Variants in RAP1A observed in about 807,000 individuals in gnomAD.
RAP1A encodes the protein RAP1A, member of RAS oncogene family.
A neutral mutation model predicts 26.4 loss-of-function variants in RAP1A; 6 were observed. The observed-to-expected ratio is 0.23, with a 90% CI of 0.12 to 0.45. The LOEUF (loss-of-function observed/expected upper bound fraction) is 0.45, where lower values mean the gene tolerates loss of function less well. Ranked by LOEUF, RAP1A falls within the 20% of genes least tolerant of loss-of-function variation. The probability of loss-of-function intolerance (pLI) is 0.99; values close to 1 mark genes in which losing one functional copy is unlikely to be tolerated. For synonymous variants in RAP1A, 73 were observed against 79.4 expected, an observed-to-expected ratio of 0.92 and a Z score of 0.43; for missense variants, 121 against 217.2, an observed-to-expected ratio of 0.56 and a Z score of 2.78.
intron 1 of RAP1A, among the ~76,000 whole-genome samples, chr1:111,613,775 A>G (rs1336075906): frequency 6.6e-6 from 1 of 152,186 alleles, no homozygotes; most frequent in East Asian, 1.9e-4. Flanking sequence ...GCTTACTCTC[A>G]CTTTCTTTAC....
At chr1:111,678,476 A>G (rs1483927852) in intron 1 of RAP1A, among the ~76,000 whole-genome samples, 1 of 152,182 alleles carries the variant, frequency 6.6e-6, no homozygotes, top group Admixed American at 6.5e-5. Flanking sequence ...AGTCAATTTA[A>G]TCATTGTGTG....
chr1:111,604,601 A>G (rs1245682520), intron 1 of RAP1A: 1 of 152,214 alleles, frequency 6.6e-6, no homozygotes, highest in Admixed American at 6.5e-5. Flanking sequence ...ATTTCTTTAT[A>G]ATGCTACAGC....
chr1:111,673,463 C>G (rs1338128434), intron 1 of RAP1A, among the ~76,000 whole-genome samples: 1 of 152,074 alleles, frequency 6.6e-6, no homozygotes. Context: ...AAGTTGGGAT[C>G]AATTTAATTC....
chr1:111,585,108 A>G (rs376241730), intron 1 of RAP1A, among the ~76,000 whole-genome samples: 1 of 152,202 alleles, frequency 6.6e-6, no homozygotes, highest in African/African-American at 2.4e-5. Context: ...GGCTTCATCA[A>G]TTGGACAGGG....
intron 1 of RAP1A, among the ~76,000 whole-genome samples, chr1:111,625,234 C>T (rs1659357976): frequency 6.6e-6 from 1 of 152,166 alleles, no homozygotes; most frequent in Admixed American, 6.5e-5. Flanking sequence ...TTTTGCAGTG[C>T]AGTGCTGTAC....
intron 1 of RAP1A, chr1:111,648,207 T>TGTGTA (rs1557877258): frequency 1.4e-3 from 123 of 90,006 alleles, no homozygotes; most frequent in East Asian, 3.4e-3. Context: ...GTGTGTGTAT[T>TGTGTA]TTTTTTTTTT....
rs540004537 is a variant in RAP1A at position 111,677,247 on chromosome 1, A to G, written c.-27-14087A>G. 1.1e-4 allele frequency among the ~76,000 whole-genome samples: 16 copies of G among 152,320 alleles called. No individual in the cohort carries two copies. In the South Asian group the frequency reaches 1.9e-3, roughly 18 times the overall value. On this transcript the variant is annotated intron_variant, in intron 1 of 7. Coordinates refer to ENST00000369709, the MANE Select transcript of RAP1A (RefSeq NM_002884.4). ...TATTCCGTCAGTTGGATATATCACAATTTATCTACTCACCTCTTGATAGAT... is the reference window on the plus strand; with the variant it reads ...TATTCCGTCAGTTGGATATATCACAGTTTATCTACTCACCTCTTGATAGAT...
intron 1 of RAP1A, among the ~76,000 whole-genome samples, chr1:111,583,902 A>G (rs1658313380): frequency 7.7e-6 from 1 of 130,420 alleles, no homozygotes; most frequent in South Asian, 2.4e-4. Context: ...TTTTTTTGAG[A>G]CAGAGTCTCA....
intron 4 of RAP1A, among the ~76,000 whole-genome samples, chr1:111,698,055 G>A (rs1032205746): frequency 1.3e-5 from 2 of 152,014 alleles, no homozygotes; most frequent in Non-Finnish European, 2.9e-5. Flanking sequence ...TAAATCATTA[G>A]GCATAATGTC....
intron 1 of RAP1A, among the ~76,000 whole-genome samples, chr1:111,666,312 T>C (rs1251767658): frequency 1.3e-5 from 2 of 152,180 alleles, no homozygotes; most frequent in Non-Finnish European, 2.9e-5. Context: ...TTTATACTAA[T>C]ACCTGCAAAA....
chr1:111,703,498 A>G, intron 5 of RAP1A, 22 bp downstream of exon 5: 1 of 1,550,470 alleles, frequency 6.4e-7, no homozygotes. Flanking sequence ...TTCTCTCTGT[A>G]AGATGTTATG....
intron 1 of RAP1A, among the ~76,000 whole-genome samples, chr1:111,676,302 G>A (rs1461954144): frequency 2.0e-5 from 3 of 152,144 alleles, no homozygotes; most frequent in Non-Finnish European, 4.4e-5. Context: ...GTTGCAGTGA[G>A]CCGAGATCAT....
intron 1 of RAP1A, among the ~76,000 whole-genome samples, chr1:111,645,824 T>C (rs900933874): frequency 1.3e-5 from 2 of 152,186 alleles, no homozygotes; most frequent in African/African-American, 4.8e-5. Context: ...CAAAGTCTTG[T>C]GTTCTTAACT....
Position 111,714,193 on chromosome 1 carries a change from C to T in RAP1A, c.*1792C>T, listed in dbSNP as rs1338500943. 6.6e-6 allele frequency: 1 copy of T among 151,976 alleles called. No individual in the cohort carries two copies. Among genetic ancestry groups the T allele is most frequent in the African/African-American group, 2.4e-5 (1 of 41,378 alleles). The allele number at this position is 151,976 out of a possible 1,614,324, so 9.4% of individuals were successfully genotyped here. ...AATAAACTTAGTTACCTTACACTTC[C>T]CTTCTACTTATCCAATTATGCATAT... On this transcript the variant is annotated 3_prime_UTR_variant, in exon 8 of 8. Coordinates refer to ENST00000369709, the MANE Select transcript of RAP1A (RefSeq NM_002884.4).
intron 1 of RAP1A, among the ~76,000 whole-genome samples, chr1:111,549,972 G>A (rs1455885723): frequency 6.6e-6 from 1 of 151,924 alleles, no homozygotes; most frequent in Non-Finnish European, 1.5e-5. Flanking sequence ...TTTTTTTGTT[G>A]GAAGTTTTTT....
At chr1:111,627,199 A>G (rs1354315107) in intron 1 of RAP1A, among the ~76,000 whole-genome samples, 1 of 152,172 alleles carries the variant, frequency 6.6e-6, no homozygotes, top group East Asian at 1.9e-4. Context: ...TATCATCCAG[A>G]AAAAATTACT....
chr1:111,629,012 C>A (rs1181782631), intron 1 of RAP1A, among the ~76,000 whole-genome samples: 2 of 152,080 alleles, frequency 1.3e-5, no homozygotes, highest in East Asian at 3.9e-4. Flanking sequence ...CGCTTTTAGA[C>A]TTTGTATTTC....
intron 1 of RAP1A, among the ~76,000 whole-genome samples, chr1:111,669,918 T>C (rs1660921562): frequency 6.6e-6 from 1 of 152,152 alleles, no homozygotes; most frequent in Non-Finnish European, 1.5e-5. Flanking sequence ...TTTCAAAAGC[T>C]CTGCAATTAG....
chr1:111,661,308 A>G (rs567329495), intron 1 of RAP1A, among the ~76,000 whole-genome samples: 1 of 152,290 alleles, frequency 6.6e-6, no homozygotes, highest in South Asian at 2.1e-4. Context: ...TAGCTTCATT[A>G]TGAATATATT....
Sources: gnomAD v4.1 joint callset for allele counts (sites outside exome capture counted in the v4.1 genomes callset) on GRCh38, gnomAD v4.1.1 for gene constraint, MANE v1.5 for transcripts, NCBI Gene and HGNC (gene_info 2026-07-23, HGNC 2026-07-21) for gene names.